MSI2: variants seen among roughly 807,000 people sequenced by gnomAD.
MSI2 encodes RNA-binding protein Musashi homolog 2.
In MSI2, 17 loss-of-function variants were observed where a neutral mutation model predicts 45.6. That is an observed-to-expected ratio of 0.37 (90% CI 0.26 to 0.56). The LOEUF (loss-of-function observed/expected upper bound fraction) is 0.56, where lower values mean the gene tolerates loss of function less well. Ranked by LOEUF, MSI2 falls within the 20% of genes least tolerant of loss-of-function variation. MSI2 has a pLI of 0.77. For synonymous variants in MSI2, 156 were observed against 158.2 expected, an observed-to-expected ratio of 0.99 and a Z score of 0.11; for missense variants, 293 against 444.2, an observed-to-expected ratio of 0.66 and a Z score of 3.06.
At position 57,637,432 on chromosome 17, in the gene MSI2, A is replaced by T. The variant is rs546171355; in HGVS notation, c.727+10129A>T. 2.6e-4 allele frequency among the ~76,000 whole-genome samples: 39 copies of T among 152,344 alleles called. No individual in the cohort carries two copies. The South Asian group carries it at 7.7e-3, about 30-fold the overall frequency. On this transcript the variant is annotated intron_variant, in intron 10 of 13. Coordinates refer to ENST00000284073, the MANE Select transcript of MSI2 (RefSeq NM_138962.4). ...ATAGGCACTTAATAAACGTTTGCAG[A>T]AATGAATTGGAGCAATCTGAATTGA...
At chr17:57,260,846 A>G (rs528999218) in intron 4 of MSI2, among the ~76,000 whole-genome samples, 20 of 152,286 alleles carry the variant, frequency 1.3e-4, no homozygotes, top group African/African-American at 4.8e-4. Context: ...AAGTCAGGGA[A>G]CAAATGAACT....
At chr17:57,688,253 T>TA (rs1315096317), downstream of MSI2, among the ~76,000 whole-genome samples, 1 of 152,074 alleles carries the variant, frequency 6.6e-6, no homozygotes, top group Non-Finnish European at 1.5e-5. Flanking sequence ...CTAGAAATTT[T>TA]AAAAGACTGC....
rs560122267 is a variant in MSI2 at position 57,504,178 on chromosome 17, C to T, written c.406-25498C>T. On this transcript the variant is annotated intron_variant, in intron 6 of 13. Coordinates refer to ENST00000284073, the MANE Select transcript of MSI2 (RefSeq NM_138962.4). ...GGCCGATGCCAGGGCATTGCCCTCT[C>T]GGTTCCGCCTCTTCCTGCAGGGCAC... is the stretch of plus-strand genomic sequence containing the variant. Among the ~76,000 whole-genome samples, 7 of 152,292 alleles carry T rather than the reference C, an allele frequency of 4.6e-5. No homozygotes were observed. In the East Asian group the frequency reaches 7.7e-4, roughly 17 times the overall value.
At chr17:57,368,573 A>G (rs575384748) in intron 5 of MSI2, among the ~76,000 whole-genome samples, 1 of 152,320 alleles carries the variant, frequency 6.6e-6, no homozygotes, top group African/African-American at 2.4e-5. Context: ...CAAAAACAAA[A>G]AAGTCTCAAT....
At chr17:57,615,689 C>T (rs746534440) in intron 8 of MSI2, among the ~76,000 whole-genome samples, 2 of 152,320 alleles carry the variant, frequency 1.3e-5, no homozygotes, top group East Asian at 1.9e-4. Context: ...TCTGCACGAG[C>T]GTCAGCCTGA....
intron 7 of MSI2, among the ~76,000 whole-genome samples, chr17:57,536,266 C>A (rs2086917515): frequency 6.6e-6 from 1 of 152,162 alleles, no homozygotes; most frequent in Admixed American, 6.5e-5. Flanking sequence ...AACGTTGGGA[C>A]TGTATAAGCT....
chr17:57,305,578 A>G (rs1911810543), intron 5 of MSI2, among the ~76,000 whole-genome samples: 1 of 152,222 alleles, frequency 6.6e-6, no homozygotes, highest in Non-Finnish European at 1.5e-5. Context: ...TTAGGCAGCC[A>G]GTTCGGTGCG....
Position 57,627,138 on chromosome 17 carries a change from G to C in MSI2, c.653-91G>C. On this transcript the variant is annotated intron_variant, in intron 9 of 13. Coordinates refer to ENST00000284073, the MANE Select transcript of MSI2 (RefSeq NM_138962.4). This position sits in a 1 kb window ranked among gnomAD's most constrained non-coding sequence, Gnocchi z 4.6. The stretch of plus-strand genomic sequence containing the variant: ...TTATTCTGTGAAGGAAAATAACTCA[G>C]GCTTTCCTCATTGCCACCCTCCGTG... The C allele has an allele frequency of 8.8e-7, 1 of 1,136,650 alleles. No individual in the cohort carries two copies. Among genetic ancestry groups the C allele is most frequent in the Admixed American group, 1.7e-5 (1 of 58,482 alleles). The allele number at this position is 1,136,650 out of a possible 1,614,324, so 70.4% of individuals were successfully genotyped here. A position where few individuals can be genotyped will look rare whatever the true frequency, so the allele number is the denominator to read the frequency against.
At chr17:57,408,471 C>T (rs1435793829) in intron 6 of MSI2, among the ~76,000 whole-genome samples, 1 of 152,186 alleles carries the variant, frequency 6.6e-6, no homozygotes, top group East Asian at 1.9e-4. Context: ...TTCAGCTTTG[C>T]TGTTTGACCG....
chr17:57,372,018 T>C (rs2083428854), intron 5 of MSI2, among the ~76,000 whole-genome samples: 1 of 151,972 alleles, frequency 6.6e-6, no homozygotes. Context: ...AGGAGAATGG[T>C]ACTATTTTCT....
At chr17:57,472,344 C>A (rs566733088) in intron 6 of MSI2, among the ~76,000 whole-genome samples, 59 of 152,246 alleles carry the variant, frequency 3.9e-4, no homozygotes, top group African/African-American at 1.0e-3. Flanking sequence ...GGGGCTGTGG[C>A]CCTGCCTGCT....
chr17:57,264,452 A>C (rs77132088), intron 5 of MSI2: 1 of 152,128 alleles, frequency 6.6e-6, no homozygotes. Flanking sequence ...GGGCCAAGCT[A>C]TCCTCCCACC....
chr17:57,633,281 C>T, intron 10 of MSI2: 1 of 741,502 alleles, frequency 1.3e-6, no homozygotes, highest in South Asian at 6.2e-5. Flanking sequence ...CAGCCTAGTG[C>T]AGTTTCTAAA....
At chr17:57,496,909 C>T (rs1175130929) in intron 6 of MSI2, among the ~76,000 whole-genome samples, 1 of 152,220 alleles carries the variant, frequency 6.6e-6, no homozygotes, top group Non-Finnish European at 1.5e-5. Flanking sequence ...ATTCAGCTGT[C>T]CTCCTCACCT....
chr17:57,626,994 G>A, intron 9 of MSI2: 1 of 592,340 alleles, frequency 1.7e-6, no homozygotes, highest in Non-Finnish European at 3.0e-6. Flanking sequence ...AAGTACATGG[G>A]CTTTGCGGGG....
chr17:57,408,165 C>T (rs1461255939), intron 6 of MSI2, among the ~76,000 whole-genome samples: 1 of 152,208 alleles, frequency 6.6e-6, no homozygotes, highest in African/African-American at 2.4e-5. Flanking sequence ...AGCACCCTAA[C>T]GTTACTTCTC....
At chr17:57,499,375 T>TAAAAAA (rs55797448) in intron 6 of MSI2, among the ~76,000 whole-genome samples, 4 of 125,802 alleles carry the variant, frequency 3.2e-5, no homozygotes, top group African/African-American at 9.2e-5. Flanking sequence ...GATTCTGTCT[T>TAAAAAA]AAAAAAAAAA....
rs995739352 is a variant in MSI2 at position 57,575,891 on chromosome 17, G to C, written c.455-20977G>C. Among the ~76,000 whole-genome samples the C allele has an allele frequency of 6.6e-5, 9 of 135,452 alleles. No homozygotes were observed. In the Admixed American group the frequency reaches 7.0e-4, roughly 11 times the overall value. 88.9% of individuals were successfully genotyped at this position (135,452 alleles called of 152,430 possible). ...ATCCAGGAGGCGGAGCTTGCAGTGA[G>C]CCAAGATTGTGCCACTGCACTCCAG... On this transcript the variant is annotated intron_variant, in intron 7 of 13. Transcript: ENST00000284073.
intron 5 of MSI2, among the ~76,000 whole-genome samples, chr17:57,362,000 G>A (rs1457098620): frequency 6.6e-6 from 1 of 152,154 alleles, no homozygotes; most frequent in Non-Finnish European, 1.5e-5. Context: ...ATAAAACTGA[G>A]GTCTCCTGGA....
Sources: allele counts gnomAD v4.1 joint callset (sites outside exome capture counted in the v4.1 genomes callset), GRCh38; gene constraint gnomAD v4.1.1; non-coding constraint Gnocchi (gnomAD v3.1); transcripts MANE v1.5; gene names NCBI Gene and HGNC (gene_info 2026-07-23, HGNC 2026-07-21).